Variants in RTN1 observed in about 807,000 individuals in gnomAD.
RTN1 encodes the protein reticulon 1, also known as reticulon-1.
A neutral mutation model predicts 65.5 loss-of-function variants in RTN1; 25 were observed. The ratio of observed to expected loss-of-function variants is 0.38; its 90% CI spans 0.28 to 0.53. The LOEUF is 0.53. RTN1 is among the 20% of genes least tolerant of loss of function. The pLI is 0.79. For missense variants in RTN1, 983 were observed against 1,025.4 expected, an observed-to-expected ratio of 0.96 and a Z score of 0.57; for synonymous variants, 471 against 447.6, an observed-to-expected ratio of 1.05 and a Z score of -0.66.
chr14:59,640,612 G>T (rs985784157), intron 3 of RTN1, among the ~76,000 whole-genome samples: 1 of 152,134 alleles, frequency 6.6e-6, no homozygotes, highest in Non-Finnish European at 1.5e-5. Context: ...ACCGTGCCTG[G>T]CCTGACTTTG....
At chr14:59,620,396 C>T (rs1187583511) in intron 3 of RTN1, among the ~76,000 whole-genome samples, 1 of 152,188 alleles carries the variant, frequency 6.6e-6, no homozygotes, top group South Asian at 2.1e-4. Context: ...TCACATAAGG[C>T]TACTGGGTGT....
chr14:59,819,856 G>A (rs1240998418), intron 1 of RTN1, among the ~76,000 whole-genome samples: 2 of 152,076 alleles, frequency 1.3e-5, no homozygotes, highest in Non-Finnish European at 2.9e-5. Flanking sequence ...CCAGCCAGCC[G>A]CTCCGAGTGC....
chr14:59,609,473 C>A (rs1212838939), intron 3 of RTN1, among the ~76,000 whole-genome samples: 1 of 152,078 alleles, frequency 6.6e-6, no homozygotes, highest in African/African-American at 2.4e-5. Context: ...AAGCCATAAT[C>A]TTTTTCAGGT....
chr14:59,774,730 C>T lies in RTN1; in HGVS notation c.242-28249G>A, dbSNP rs117462088. On this transcript the variant is annotated intron_variant, in intron 1 of 8. Transcript: ENST00000267484. The surrounding 1 kb of genome is among the most constrained non-coding windows in gnomAD (Gnocchi z 5.1). ...TAAATCTAGTCCCAATAAGTCACCA[C>T]TACTACAGTTGAGACTGAGGAGTGG... 5.4e-3 allele frequency among the ~76,000 whole-genome samples: 827 copies of T among 152,250 alleles called. 10 individuals are homozygous for T. The highest frequency in any genetic ancestry group is 5.9e-3 in the Non-Finnish European group (398 of 68,026).
intron 3 of RTN1, among the ~76,000 whole-genome samples, chr14:59,666,992 A>G (rs1883392790): frequency 7.0e-6 from 1 of 143,644 alleles, no homozygotes; most frequent in Admixed American, 7.0e-5. Context: ...AAAAAAGCCC[A>G]GGACCATACG....
intron 3 of RTN1, chr14:59,630,864 G>A (rs1359796876): frequency 1.0e-6 from 1 of 994,310 alleles, no homozygotes; most frequent in Non-Finnish European, 1.2e-6. Flanking sequence ...TGGGAGGAGG[G>A]GAAAAAGGGC....
At chr14:59,711,011 T>C (rs1014685081) in intron 3 of RTN1, among the ~76,000 whole-genome samples, 2 of 152,340 alleles carry the variant, frequency 1.3e-5, no homozygotes, top group Admixed American at 6.5e-5. Context: ...AGGTAAGTGT[T>C]GGACTCAGGT....
At chr14:59,636,786 C>T (rs895113024) in intron 3 of RTN1, among the ~76,000 whole-genome samples, 2 of 152,168 alleles carry the variant, frequency 1.3e-5, no homozygotes, top group Non-Finnish European at 2.9e-5. Context: ...TTACACTATA[C>T]TGTAGTCTAT....
intron 1 of RTN1, among the ~76,000 whole-genome samples, chr14:59,858,977 A>C (rs968124): frequency 0.21 from 32,658 of 152,184 alleles, 3,911 homozygotes; most frequent in East Asian, 0.5. Flanking sequence ...TATAGTTCTT[A>C]AGAAGCAAAT....
Position 59,683,361 on chromosome 14 carries a change from G to A in RTN1, c.1765+43558C>T, listed in dbSNP as rs530790525. On this transcript the variant is annotated intron_variant, in intron 3 of 8. Coordinates refer to ENST00000267484, the MANE Select transcript of RTN1 (RefSeq NM_021136.3). ...ATACATTTTGCAGATTTGAAATGAC[G>A]TGGATTCAATACACATCTTTATCTG... 9.2e-5 allele frequency among the ~76,000 whole-genome samples: 14 copies of A among 151,860 alleles called. No homozygotes were observed. In the South Asian group the frequency reaches 1.7e-3, roughly 18 times the overall value.
intron 3 of RTN1, among the ~76,000 whole-genome samples, chr14:59,645,546 T>C (rs922877965): frequency 6.6e-6 from 1 of 152,082 alleles, no homozygotes; most frequent in African/African-American, 2.4e-5. Context: ...ATTGAGCCAG[T>C]AGCAGTTCTT....
At chr14:59,848,489 A>G (rs757581906) in intron 1 of RTN1, among the ~76,000 whole-genome samples, 111 of 152,364 alleles carry the variant, frequency 7.3e-4, no homozygotes, top group Admixed American at 1.4e-3. Flanking sequence ...AAGAAATTCA[A>G]AGTGATATAA....
At chr14:59,630,757 C>T in intron 3 of RTN1, 2 of 1,080,142 alleles carry the variant, frequency 1.9e-6, no homozygotes, top group Non-Finnish European at 2.2e-6. Context: ...CCGCTCCACG[C>T]GACAGCGTTG....
rs530157796 is a variant in RTN1, at chr14:59,758,165, A to G, written c.242-11684T>C. ...CTTTTTATAGCTTTCTTTCCATTCCATGGTTACCTCCCTAGACAGACACTT... is the reference window on the plus strand; with the variant it reads ...CTTTTTATAGCTTTCTTTCCATTCCGTGGTTACCTCCCTAGACAGACACTT... On this transcript the variant is annotated intron_variant, in intron 1 of 8. Transcript: ENST00000267484. 6.4e-4 allele frequency among the ~76,000 whole-genome samples: 98 copies of G among 152,144 alleles called. 2 individuals are homozygous for G. The South Asian group carries it at 0.017, about 27-fold the overall frequency.
chr14:59,864,829 CA>C (rs1887770054), intron 1 of RTN1, among the ~76,000 whole-genome samples: 1 of 152,142 alleles, frequency 6.6e-6, no homozygotes. Context: ...TACCCACCCC[CA>C]ATTTTTAAAT....
chr14:59,670,665 C>T (rs993020505), intron 3 of RTN1, among the ~76,000 whole-genome samples: 1 of 152,090 alleles, frequency 6.6e-6, no homozygotes, highest in African/African-American at 2.4e-5. Context: ...TGTGTCAGTA[C>T]CTCCATAGCA....
At chr14:59,804,952 T>C (rs570878484) in intron 1 of RTN1, among the ~76,000 whole-genome samples, 1 of 152,344 alleles carries the variant, frequency 6.6e-6, no homozygotes, top group East Asian at 1.9e-4. Flanking sequence ...TGACCTACCC[T>C]CTTCCCCAAG....
At chr14:59,864,238 A>T (rs762324200) in intron 1 of RTN1, among the ~76,000 whole-genome samples, 3 of 151,798 alleles carry the variant, frequency 2.0e-5, no homozygotes, top group African/African-American at 2.4e-5. Context: ...ATCCCCTATC[A>T]TTCTCCCCTT....
chr14:59,664,306 G>C (rs535574229), intron 3 of RTN1, among the ~76,000 whole-genome samples: 2 of 152,098 alleles, frequency 1.3e-5, no homozygotes, highest in African/African-American at 4.8e-5. Context: ...ATCACATATC[G>C]GGGCCTGTCA....
Sources: allele counts gnomAD v4.1 joint callset (sites outside exome capture counted in the v4.1 genomes callset), GRCh38; gene constraint gnomAD v4.1.1; non-coding constraint Gnocchi (gnomAD v3.1); transcripts MANE v1.5; gene names NCBI Gene and HGNC (gene_info 2026-07-23, HGNC 2026-07-21).